The following TMEM273 variants were observed in gnomAD, a reference collection of about 807,000 sequenced individuals.
TMEM273 encodes the protein chromosome 10 open reading frame 128.
A neutral mutation model predicts 17.9 loss-of-function variants in TMEM273; 19 were observed. The observed-to-expected ratio is 1.06, with a 90% CI of 0.74 to 1.55. The LOEUF (loss-of-function observed/expected upper bound fraction) is 1.55, where lower values mean the gene tolerates loss of function less well. TMEM273 is among the 40% of genes most tolerant of loss of function. The probability of loss-of-function intolerance (pLI) is 0.00; values close to 1 mark genes in which losing one functional copy is unlikely to be tolerated. For missense variants in TMEM273, 194 were observed against 155.6 expected (o/e 1.25, Z -1.31); for synonymous variants, 66 against 62.0 (o/e 1.07, Z -0.31).
chr10:49,168,484 T>C (rs1846338974), intron 1 of TMEM273, among the ~76,000 whole-genome samples: 1 of 152,160 alleles, frequency 6.6e-6, no homozygotes, highest in African/African-American at 2.4e-5. Flanking sequence ...CATGTCAATA[T>C]GTAACAACAT....
chr10:49,165,321 G>A, intron 4 of TMEM273, 38 bp from the exon 5 acceptor site: 3 of 1,550,484 alleles, frequency 1.9e-6, no homozygotes, highest in Non-Finnish European at 2.6e-6. Context: ...AACAGCAAGT[G>A]CAAAGGTCCC....
rs569829227 is a variant in TMEM273, at chr10:49,159,448, A to C, written c.372+2151T>G. Reference sequence around the variant, plus strand: ...TGGAGGCATTTTGTGTGTATTATAGAATAGAGAAAATGAGTAAAAATATTA... The same window carrying C: ...TGGAGGCATTTTGTGTGTATTATAGCATAGAGAAAATGAGTAAAAATATTA... On this transcript the variant is annotated intron_variant, in intron 6 of 6. Coordinates refer to ENST00000374153, the MANE Select transcript of TMEM273 (RefSeq NM_001288740.3). 4.5e-4 allele frequency among the ~76,000 whole-genome samples: 69 copies of C among 152,324 alleles called. 1 individual carries two copies. In the South Asian group the frequency reaches 6.4e-3, roughly 14 times the overall value.
chr10:49,179,504 C>T (rs1324259733), intron 1 of TMEM273, among the ~76,000 whole-genome samples: 1 of 152,210 alleles, frequency 6.6e-6, no homozygotes, highest in East Asian at 1.9e-4. Flanking sequence ...TCCAAATCAC[C>T]CATCCTCCAG....
chr10:49,182,695 C>T (rs537340983), intron 1 of TMEM273, among the ~76,000 whole-genome samples: 9 of 152,238 alleles, frequency 5.9e-5, no homozygotes, highest in African/African-American at 2.2e-4. Flanking sequence ...TTTTCAATAG[C>T]TAGTCTTAGA....
chr10:49,184,279 C>T (rs1019740815), intron 1 of TMEM273, among the ~76,000 whole-genome samples: 1 of 152,058 alleles, frequency 6.6e-6, no homozygotes, highest in Non-Finnish European at 1.5e-5. Context: ...CACAGAAAAA[C>T]CAAGCACACA....
intron 3 of TMEM273, chr10:49,166,475 A>C: frequency 3.6e-6 from 1 of 280,834 alleles, no homozygotes; most frequent in Non-Finnish European, 7.0e-6. Context: ...GGTTTATTTG[A>C]TCTCATCATT....
intron 1 of TMEM273, among the ~76,000 whole-genome samples, chr10:49,183,108 C>A (rs1847450711): frequency 1.3e-5 from 2 of 152,158 alleles, no homozygotes; most frequent in African/African-American, 2.4e-5. Flanking sequence ...CCCCGCCATA[C>A]CTGTCCTAGA....
At chr10:49,182,462 T>C (rs1309413987) in intron 1 of TMEM273, among the ~76,000 whole-genome samples, 1 of 152,260 alleles carries the variant, frequency 6.6e-6, no homozygotes, top group Non-Finnish European at 1.5e-5. Context: ...CAGTGAAGAA[T>C]GTTTTAGGCC....
Position 49,164,941 on chromosome 10 carries a change from C to A in TMEM273, c.348+264G>T, listed in dbSNP as rs895399747. ...TCTCTCCTTGACCCCCAGCACCTAG[C>A]CCATGGCCTCATGTTCAGTTATTTA... On this transcript the variant is annotated intron_variant, in intron 5 of 6. Coordinates refer to ENST00000374153, the MANE Select transcript of TMEM273 (RefSeq NM_001288740.3). 2.0e-5 allele frequency among the ~76,000 whole-genome samples: 3 copies of A among 152,142 alleles called. No homozygotes were observed. In the South Asian group the frequency reaches 6.2e-4, roughly 32 times the overall value.
In TMEM273 at chr10:49,186,110, G is replaced by GAAGAAGAAGAAGAAGAAGAAGAAGAAGAA. The variant is rs59346438; in HGVS notation, c.43+2183_43+2184insTTCTTCTTCTTCTTCTTCTTCTTCTTCTT. On this transcript the variant is annotated intron_variant, in intron 1 of 6. Transcript: ENST00000374153. ...AAGAAGAAGAAGAAGAAGAAGAAGA[G>GAAGAAGAAGAAGAAGAAGAAGAAGAAGAA]GAAGAAGAAGAAAAAGAGGAAGAAG... 7.4e-3 allele frequency among the ~76,000 whole-genome samples: 612 copies of GAAGAAGAAGAAGAAGAAGAAGAAGAAGAA among 83,212 alleles called. 20 individuals carry two copies. Among genetic ancestry groups the GAAGAAGAAGAAGAAGAAGAAGAAGAAGAA allele is most frequent in the Middle Eastern group, 0.018 (3 of 170 alleles). 54.6% of individuals were successfully genotyped at this position (83,212 alleles called of 152,430 possible).
Position 49,188,292 on chromosome 10 carries a change from A to T in TMEM273, c.43+2T>A, listed in dbSNP as rs746811750. ...CCAGAGACCCCCGCAGTCCCCACTT[A>T]CCCAGGAGGAAGAGGATCCTCAGCA... On this transcript the variant is annotated splice_donor_variant, in intron 1 of 6. Coordinates refer to ENST00000374153, the MANE Select transcript of TMEM273 (RefSeq NM_001288740.3). LOFTEE classifies it high-confidence loss of function. The T allele has an allele frequency of 8.1e-6, 13 of 1,614,064 alleles. No individual in the cohort carries two copies. The Middle Eastern group carries it at 4.9e-4, about 61-fold the overall frequency.
At chr10:49,171,727 C>T (rs963532924) in intron 1 of TMEM273, among the ~76,000 whole-genome samples, 1 of 152,228 alleles carries the variant, frequency 6.6e-6, no homozygotes, top group African/African-American at 2.4e-5. Flanking sequence ...GGAGGGCAGC[C>T]ACCCCAGCTC....
chr10:49,155,655 TA>T lies in TMEM273; in HGVS notation c.*236del. 3.3e-6 allele frequency: 2 copies of T among 602,316 alleles called. No homozygotes were observed. The highest frequency in any genetic ancestry group is 5.8e-6 in the Non-Finnish European group (2 of 344,916). The allele number at this position is 602,316 out of a possible 1,614,324, so 37.3% of individuals were successfully genotyped here. A position where few individuals can be genotyped will look rare whatever the true frequency, so the allele number is the denominator to read the frequency against. ...GTGTCCACCTTCTTCCACTGCAGGC[TA>T]AATTGCTCAATCCTTCCTCTGTGCA... On this transcript the variant is annotated 3_prime_UTR_variant, in exon 7 of 7. Transcript: ENST00000374153.
chr10:49,161,653 C>G, intron 5 of TMEM273, 31 bp from the exon 6 acceptor site: 1 of 1,614,130 alleles, frequency 6.2e-7, no homozygotes, highest in South Asian at 1.1e-5. Flanking sequence ...GTGTTCATTG[C>G]CTAAGCCTTA....
intron 5 of TMEM273, among the ~76,000 whole-genome samples, 176 bp from the exon 6 acceptor site, chr10:49,161,798 TCTC>T (rs1845859241): frequency 6.6e-6 from 1 of 152,126 alleles, no homozygotes; most frequent in Non-Finnish European, 1.5e-5. Flanking sequence ...GAATCCTGCT[TCTC>T]CTCTCTGAAA....
chr10:49,156,024 G>C lies in TMEM273; in HGVS notation c.373-115C>G. Reference sequence around the variant, plus strand: ...ACAGGTATAAAAGCTCATCAGCAAAGCCTGCAAGGTGGGCCACTTCCTTGT... The same window carrying C: ...ACAGGTATAAAAGCTCATCAGCAAACCCTGCAAGGTGGGCCACTTCCTTGT... On this transcript the variant is annotated intron_variant, in intron 6 of 6. Transcript: ENST00000374153. The C allele has an allele frequency of 1.9e-6, 3 of 1,590,996 alleles. No homozygotes were observed. In the South Asian group the frequency reaches 3.4e-5, roughly 18 times the overall value.
chr10:49,165,843 G>A, intron 3 of TMEM273, 47 bp from the exon 4 acceptor site: 2 of 1,611,530 alleles, frequency 1.2e-6, no homozygotes, highest in South Asian at 2.2e-5. Flanking sequence ...TGTGACAAGA[G>A]GTGCAGAGCA....
chr10:49,171,196 G>C (rs1846544479), intron 1 of TMEM273, among the ~76,000 whole-genome samples: 1 of 152,226 alleles, frequency 6.6e-6, no homozygotes, highest in South Asian at 2.1e-4. Context: ...CTGTAGATTT[G>C]CTGAGGCCAT....
chr10:49,186,053 GGAA>G (rs1250640161), intron 1 of TMEM273, among the ~76,000 whole-genome samples: 4 of 26,624 alleles, frequency 1.5e-4, no homozygotes, highest in Non-Finnish European at 3.0e-4. Context: ...AAGAAGAAGA[GGAA>G]GAAGAAGAAG....
Sources: gnomAD v4.1 joint callset for allele counts (sites outside exome capture counted in the v4.1 genomes callset) on GRCh38, gnomAD v4.1.1 for gene constraint, MANE v1.5 for transcripts, NCBI Gene and HGNC (gene_info 2026-07-23, HGNC 2026-07-21) for gene names.